The following EXOC4 variants were observed in gnomAD, a reference collection of about 807,000 sequenced individuals.
EXOC4 encodes SEC8-like 1.
A neutral mutation model predicts 107.2 loss-of-function variants in EXOC4; 71 were observed. The ratio of observed to expected loss-of-function variants is 0.66; its 90% CI spans 0.55 to 0.81. EXOC4 has a LOEUF of 0.81. Ranked by LOEUF, EXOC4 falls within the 30% of genes least tolerant of loss-of-function variation. The pLI is 0.00. For missense variants in EXOC4, 1,108 were observed against 1,189.6 expected, an observed-to-expected ratio of 0.93 and a Z score of 1.01; for synonymous variants, 456 against 441.2, an observed-to-expected ratio of 1.03 and a Z score of -0.42.
At position 133,556,128 on chromosome 7, in the gene EXOC4, C is replaced by T. The variant is rs139709301; in HGVS notation, c.1418-73917C>T. Among the ~76,000 whole-genome samples, 493 of 152,308 alleles carry T rather than the reference C, an allele frequency of 3.2e-3. 4 individuals carry two copies. The highest frequency in any genetic ancestry group is 0.011 in the African/African-American group (469 of 41,570). On this transcript the variant is annotated intron_variant, in intron 9 of 17. Transcript: ENST00000253861. ...AGATCACCTCTCCAGAGCCTTCAGA[C>T]GTCCTAGCTCTCTAATTCTTCTCCA...
At chr7:133,630,636 GA>G in intron 10 of EXOC4, among the ~76,000 whole-genome samples, 1 of 152,104 alleles carries the variant, frequency 6.6e-6, no homozygotes, top group Non-Finnish European at 1.5e-5. Context: ...CCCTTTACAG[GA>G]AAAAATTGCA....
chr7:134,059,678 T>C (rs1393204477), intron 17 of EXOC4, among the ~76,000 whole-genome samples: 1 of 152,190 alleles, frequency 6.6e-6, no homozygotes, highest in Non-Finnish European at 1.5e-5. Context: ...GTCTTTATAA[T>C]TGGAAACAAT....
Position 133,480,124 on chromosome 7 carries a change from G to A in EXOC4, c.1403G>A (p.Ser468Asn). The change falls in exon 9 of 18, where the codon AGT (serine) becomes AAT (asparagine). Residue 468 changes from serine (S) to asparagine (N), a missense_variant. Transcript: ENST00000253861. ...REQRRELYSR[S>N]GELQGGPDDN... ...CAGAGAAGGGAGCTCTATAGTCGGA[G>A]TGGAGAACTGCAAGGTGAGTGATTG... 1 of 1,614,002 alleles carries A rather than the reference G, an allele frequency of 6.2e-7. No homozygotes were observed. The highest frequency in any genetic ancestry group is 2.2e-5 in the East Asian group (1 of 44,866).
At chr7:133,867,816 AC>A (rs1214936086) in intron 11 of EXOC4, among the ~76,000 whole-genome samples, 2 of 152,132 alleles carry the variant, frequency 1.3e-5, no homozygotes, top group African/African-American at 4.8e-5. Context: ...TTTCTGTAGA[AC>A]CCTGAGCAAA....
intron 8 of EXOC4, among the ~76,000 whole-genome samples, chr7:133,476,614 A>G (rs1799019821): frequency 6.6e-6 from 1 of 152,164 alleles, no homozygotes; most frequent in Non-Finnish European, 1.5e-5. Context: ...AGCAGAGAGG[A>G]GATTTATTTA....
chr7:133,549,109 T>C (rs1800539083), intron 9 of EXOC4, among the ~76,000 whole-genome samples: 1 of 152,228 alleles, frequency 6.6e-6, no homozygotes, highest in Non-Finnish European at 1.5e-5. Context: ...GTTCAATTGA[T>C]TCTCATGCGT....
At chr7:134,009,186 C>G (rs1179824615) in intron 17 of EXOC4, among the ~76,000 whole-genome samples, 3 of 152,058 alleles carry the variant, frequency 2.0e-5, no homozygotes, top group African/African-American at 7.2e-5. Context: ...GCTAGGAAGT[C>G]CTTTGTTTTT....
chr7:133,916,375 C>T (rs1799808018), intron 12 of EXOC4, among the ~76,000 whole-genome samples: 1 of 152,192 alleles, frequency 6.6e-6, no homozygotes, highest in Admixed American at 6.5e-5. Flanking sequence ...CCCTGCCCTA[C>T]AACATGAAAC....
intron 7 of EXOC4, among the ~76,000 whole-genome samples, chr7:133,473,416 A>G (rs1418200434): frequency 6.6e-6 from 1 of 152,188 alleles, no homozygotes; most frequent in East Asian, 1.9e-4. Context: ...AATAAAGTAC[A>G]TTTACTGCCA....
intron 7 of EXOC4, among the ~76,000 whole-genome samples, chr7:133,464,164 A>T (rs1315569582): frequency 6.6e-6 from 1 of 152,206 alleles, no homozygotes; most frequent in East Asian, 1.9e-4. Flanking sequence ...TCTATGAAGT[A>T]GTTCTTTTTC....
At chr7:134,063,796 G>A (rs780533159) in intron 17 of EXOC4, among the ~76,000 whole-genome samples, 45 of 151,990 alleles carry the variant, frequency 3.0e-4, no homozygotes, top group Non-Finnish European at 2.2e-4. Context: ...TGCTTTATAC[G>A]TATTAATTAA....
rs79877039 is a variant in EXOC4, at chr7:133,777,825, T to G, written c.1515-39500T>G. Among the ~76,000 whole-genome samples the G allele has an allele frequency of 5.4e-3, 830 of 152,312 alleles. 9 individuals are homozygous for G. Among genetic ancestry groups the G allele is most frequent in the African/African-American group, 0.019 (773 of 41,548 alleles). On this transcript the variant is annotated intron_variant, in intron 10 of 17. Coordinates refer to ENST00000253861, the MANE Select transcript of EXOC4 (RefSeq NM_021807.4). ...TAAGGATTAAGCTTGTTAATACATG[T>G]AAAGTTATTAGAAAATCCTCTGGCG...
intron 9 of EXOC4, among the ~76,000 whole-genome samples, chr7:133,510,032 CAGCAGTTTTT>C (rs984757012): frequency 1.3e-5 from 2 of 152,134 alleles, no homozygotes; most frequent in African/African-American, 4.8e-5. Flanking sequence ...ATTTACAATT[CAGCAGTTTTT>C]AGTGAATTTA....
At chr7:133,729,376 T>G (rs1376153993) in intron 10 of EXOC4, among the ~76,000 whole-genome samples, 1 of 152,172 alleles carries the variant, frequency 6.6e-6, no homozygotes, top group East Asian at 1.9e-4. Flanking sequence ...GCAATGCTAT[T>G]TGCTTATTTG....
chr7:133,656,038 T>C lies in EXOC4; in HGVS notation c.1514+25897T>C, dbSNP rs189961792. On this transcript the variant is annotated intron_variant, in intron 10 of 17. Coordinates refer to ENST00000253861, the MANE Select transcript of EXOC4 (RefSeq NM_021807.4). ...GCATGGCTATGATATCACTAGGAGA[T>C]AGGAGTTTCTCAGTTCCATTGGAAT... Among the ~76,000 whole-genome samples the C allele has an allele frequency of 2.3e-3, 351 of 152,254 alleles. 1 individual carries two copies. Among genetic ancestry groups the C allele is most frequent in the African/African-American group, 7.8e-3 (322 of 41,546 alleles).
intron 7 of EXOC4, among the ~76,000 whole-genome samples, chr7:133,397,548 T>C (rs945154613): frequency 5.3e-5 from 8 of 152,158 alleles, no homozygotes; most frequent in Admixed American, 2.0e-4. Context: ...GCTGTGTCAT[T>C]TTCACAGTAC....
At chr7:133,477,781 C>G (rs574080970) in intron 8 of EXOC4, among the ~76,000 whole-genome samples, 1 of 152,302 alleles carries the variant, frequency 6.6e-6, no homozygotes, top group South Asian at 2.1e-4. Flanking sequence ...TTAGTACTTA[C>G]GAATTATCAG....
intron 5 of EXOC4, among the ~76,000 whole-genome samples, chr7:133,352,726 C>T (rs1368768706): frequency 1.3e-5 from 2 of 151,898 alleles, no homozygotes; most frequent in East Asian, 3.8e-4. Flanking sequence ...TCATGTTCTA[C>T]ATTACTGTAT....
downstream of EXOC4, among the ~76,000 whole-genome samples, chr7:134,071,106 A>G (rs1054284381): frequency 1.3e-5 from 2 of 152,206 alleles, no homozygotes; most frequent in East Asian, 3.8e-4. Context: ...CATGTGTATC[A>G]GGTGCTGTGC....
Sources: gnomAD v4.1 joint callset for allele counts (sites outside exome capture counted in the v4.1 genomes callset) on GRCh38, gnomAD v4.1.1 for gene constraint, MANE v1.5 for transcripts, NCBI Gene and HGNC (gene_info 2026-07-23, HGNC 2026-07-21) for gene names.